AMOTL1: variants seen among roughly 807,000 people sequenced by gnomAD.
AMOTL1 encodes the protein angiomotin like 1, also known as angiomotin-like protein 1.
AMOTL1 carries 45 observed loss-of-function variants against 102.9 expected under a neutral mutation model. That is an observed-to-expected ratio of 0.44 (90% CI 0.34 to 0.56). The LOEUF is 0.56. Among genes scored for constraint, AMOTL1 ranks in the 20% least tolerant of loss-of-function variants. The pLI is 0.01. For missense variants in AMOTL1, 1,114 were observed against 1,225.6 expected, an observed-to-expected ratio of 0.91 and a Z score of 1.36; for synonymous variants, 481 against 484.7, an observed-to-expected ratio of 0.99 and a Z score of 0.10.
intron 1 of AMOTL1, among the ~76,000 whole-genome samples, chr11:94,789,089 A>G (rs1951239685): frequency 6.6e-6 from 1 of 152,088 alleles, no homozygotes; most frequent in Non-Finnish European, 1.5e-5. Flanking sequence ...GGGAAAAGAG[A>G]GTGAGAAAGC....
chr11:94,847,916 C>G (rs919634138), intron 6 of AMOTL1, among the ~76,000 whole-genome samples: 4 of 152,182 alleles, frequency 2.6e-5, no homozygotes, highest in Non-Finnish European at 5.9e-5. Flanking sequence ...TTTATTACTT[C>G]TGGTCAACAT....
At chr11:94,812,015 C>G (rs536644158) in intron 3 of AMOTL1, among the ~76,000 whole-genome samples, 3 of 152,330 alleles carry the variant, frequency 2.0e-5, no homozygotes, top group Admixed American at 6.5e-5. Context: ...AGAAAAGGAG[C>G]TGTACAGCAA....
chr11:94,872,288 C>T lies in AMOTL1; in HGVS notation c.*1493C>T, dbSNP rs1953013992. 1 of 152,144 alleles carries T rather than the reference C, an allele frequency of 6.6e-6. No individual in the cohort carries two copies. The highest frequency in any genetic ancestry group is 1.9e-4 in the East Asian group (1 of 5,184). The allele number at this position is 152,144 out of a possible 1,614,324, so 9.4% of individuals were successfully genotyped here. ...AGAAAAGAGGAGAAGCTCATCGGGCCATCAGAGAGATGCTCCTACAGGGTC... is the reference window on the plus strand; with the variant it reads ...AGAAAAGAGGAGAAGCTCATCGGGCTATCAGAGAGATGCTCCTACAGGGTC... On this transcript the variant is annotated 3_prime_UTR_variant, in exon 13 of 13. Transcript: ENST00000433060.
chr11:94,772,473 A>T (rs1950967625), intron 1 of AMOTL1, among the ~76,000 whole-genome samples: 1 of 152,214 alleles, frequency 6.6e-6, no homozygotes, highest in Non-Finnish European at 1.5e-5. Context: ...ACAATCATGT[A>T]GTATGTGAGC....
chr11:94,796,319 A>G (rs1375443454), intron 2 of AMOTL1, among the ~76,000 whole-genome samples: 1 of 152,172 alleles, frequency 6.6e-6, no homozygotes, highest in Non-Finnish European at 1.5e-5. Flanking sequence ...ATCAAAGTTG[A>G]GCTTCAGGAA....
chr11:94,792,225 A>G (rs1274577127), intron 1 of AMOTL1, among the ~76,000 whole-genome samples: 1 of 152,214 alleles, frequency 6.6e-6, no homozygotes, highest in Non-Finnish European at 1.5e-5. Flanking sequence ...CAAGGACAGG[A>G]AACCAAACAC....
At chr11:94,753,862 G>C (rs1950688192) in intron 3 of AMOTL1, among the ~76,000 whole-genome samples, 1 of 152,196 alleles carries the variant, frequency 6.6e-6, no homozygotes, top group Non-Finnish European at 1.5e-5. Flanking sequence ...CTGCAAGCTA[G>C]GCTCAGGCAT....
At chr11:94,766,564 TTTC>T (rs1224347483), upstream of AMOTL1, among the ~76,000 whole-genome samples, 5 of 152,194 alleles carry the variant, frequency 3.3e-5, no homozygotes, top group African/African-American at 1.2e-4. Flanking sequence ...ATTAGTTTCC[TTTC>T]TTCTTTTTCT....
intron 4 of AMOTL1, among the ~76,000 whole-genome samples, chr11:94,829,114 A>C (rs1481521143): frequency 6.6e-6 from 1 of 152,064 alleles, no homozygotes; most frequent in Non-Finnish European, 1.5e-5. Context: ...TTTTTGATTT[A>C]GTGAAATATT....
At chr11:94,835,257 C>G (rs1313466568) in intron 6 of AMOTL1, among the ~76,000 whole-genome samples, 3 of 152,208 alleles carry the variant, frequency 2.0e-5, no homozygotes, top group Non-Finnish European at 4.4e-5. Context: ...CTAGCCAACT[C>G]CTGTTTGGTC....
At chr11:94,708,002 T>C (rs746081969) in intron 1 of AMOTL1, among the ~76,000 whole-genome samples, 1 of 152,174 alleles carries the variant, frequency 6.6e-6, no homozygotes, top group Non-Finnish European at 1.5e-5. Context: ...AAATAATTGA[T>C]CAGCACCTGC....
chr11:94,737,411 T>C (rs532864423), intron 2 of AMOTL1, among the ~76,000 whole-genome samples: 1 of 152,350 alleles, frequency 6.6e-6, no homozygotes, highest in South Asian at 2.1e-4. Context: ...TAAAGGAGCA[T>C]GGCATCCAAT....
intron 6 of AMOTL1, among the ~76,000 whole-genome samples, chr11:94,840,257 T>C (rs1952269520): frequency 6.6e-6 from 1 of 152,210 alleles, no homozygotes; most frequent in South Asian, 2.1e-4. Context: ...TCGTGAATTA[T>C]AGTGAGAGCC....
chr11:94,872,392 A>C lies in AMOTL1; in HGVS notation c.*1597A>C, dbSNP rs1427626410. 6.6e-6 allele frequency: 1 copy of C among 152,254 alleles called. No homozygotes were observed. Among genetic ancestry groups the C allele is most frequent in the East Asian group, 1.9e-4 (1 of 5,192 alleles). The allele number at this position is 152,254 out of a possible 1,614,324, so 9.4% of individuals were successfully genotyped here. ...TGCTCATGCTTACTTAGAGGAAGAA[A>C]GAAAGGGGGGTACCTCTTCCAAGTA... is the stretch of plus-strand genomic sequence containing the variant. On this transcript the variant is annotated 3_prime_UTR_variant, in exon 13 of 13. Coordinates refer to ENST00000433060, the MANE Select transcript of AMOTL1 (RefSeq NM_130847.3).
intron 3 of AMOTL1, among the ~76,000 whole-genome samples, chr11:94,751,159 A>G (rs2135489649): frequency 6.6e-6 from 1 of 152,322 alleles, no homozygotes; most frequent in South Asian, 2.1e-4. Context: ...AGGCAGTACA[A>G]TACATGGATA....
At chr11:94,707,248 C>G (rs61893463) in intron 1 of AMOTL1, among the ~76,000 whole-genome samples, 15,456 of 64,454 alleles carry the variant, frequency 0.24, 1,207 homozygotes, top group East Asian at 0.3. Context: ...CTCTCTCTCT[C>G]TCTGTGTGTG....
intron 6 of AMOTL1, among the ~76,000 whole-genome samples, chr11:94,836,255 C>A (rs939058288): frequency 1.4e-4 from 21 of 152,192 alleles, no homozygotes; most frequent in African/African-American, 5.1e-4. Flanking sequence ...TATCAAGCAT[C>A]ATTAGGAAGG....
chr11:94,795,225 T>C (rs1951345919), intron 2 of AMOTL1, 65 bp downstream of exon 2: 1 of 1,564,724 alleles, frequency 6.4e-7, no homozygotes, highest in Non-Finnish European at 8.7e-7. Context: ...CATCTTTAGC[T>C]CTTTTGCATA....
chr11:94,819,081 A>G (rs1951817214), intron 3 of AMOTL1, among the ~76,000 whole-genome samples: 1 of 152,138 alleles, frequency 6.6e-6, no homozygotes, highest in South Asian at 2.1e-4. Flanking sequence ...CTTTCCTAAT[A>G]ACCTGACACC....
Sources: gnomAD v4.1 joint callset for allele counts (sites outside exome capture counted in the v4.1 genomes callset) on GRCh38, gnomAD v4.1.1 for gene constraint, MANE v1.5 for transcripts, NCBI Gene and HGNC (gene_info 2026-07-23, HGNC 2026-07-21) for gene names.